Variants in DCP2 observed in about 807,000 individuals in gnomAD.
The protein encoded by DCP2 is m7GpppN-mRNA hydrolase.
In DCP2, 30 loss-of-function variants were observed where a neutral mutation model predicts 56.1. The ratio of observed to expected loss-of-function variants is 0.53; its 90% confidence interval spans 0.40 to 0.73. DCP2 has a LOEUF of 0.73. DCP2 is among the 30% of genes least tolerant of loss of function. The pLI, the probability that DCP2 is intolerant of heterozygous loss-of-function variation, is 0.00. For missense variants in DCP2, 533 were observed against 502.7 expected, an observed-to-expected ratio of 1.06 and a Z score of -0.58; for synonymous variants, 197 against 163.3, an observed-to-expected ratio of 1.21 and a Z score of -1.57.
At chr5:112,994,044 T>C (rs1404385770) in intron 4 of DCP2, among the ~76,000 whole-genome samples, 1 of 151,776 alleles carries the variant, frequency 6.6e-6, no homozygotes. Context: ...TGATCTCTCC[T>C]CCTCGGCCTC....
At chr5:113,008,113 G>T in intron 9 of DCP2, 71 bp downstream of exon 9, 1 of 1,244,528 alleles carries the variant, frequency 8.0e-7, no homozygotes, top group Non-Finnish European at 1.1e-6. Context: ...CATTGCCAAA[G>T]CACAGGAATG....
In DCP2 at chr5:113,011,978, A is replaced by G. The variant is rs1000462900; in HGVS notation, c.1099+1171A>G. On this transcript the variant is annotated intron_variant, in intron 10 of 10. Transcript: ENST00000389063. Reference sequence around the variant, plus strand: ...GAAGGGTCTATTATTTCTCCTCATTAGAGTTAGTATAGAAAAGTTATGGGG... The same window carrying G: ...GAAGGGTCTATTATTTCTCCTCATTGGAGTTAGTATAGAAAAGTTATGGGG... 3.9e-5 allele frequency among the ~76,000 whole-genome samples: 6 copies of G among 152,200 alleles called. No individual in the cohort carries two copies. The East Asian group carries it at 7.7e-4, about 19-fold the overall frequency.
intron 2 of DCP2, among the ~76,000 whole-genome samples, chr5:112,990,994 C>G (rs1748561429): frequency 6.6e-6 from 1 of 151,986 alleles, no homozygotes; most frequent in Non-Finnish European, 1.5e-5. Flanking sequence ...TTTCTCTGCT[C>G]TCTGTTATGA....
chr5:112,995,337 A>G (rs1748798875), intron 4 of DCP2, among the ~76,000 whole-genome samples: 1 of 152,218 alleles, frequency 6.6e-6, no homozygotes, highest in Non-Finnish European at 1.5e-5. Flanking sequence ...GACCAATTGT[A>G]AAAGTCCTCC....
intron 1 of DCP2, among the ~76,000 whole-genome samples, chr5:112,979,680 C>G (rs532809035): frequency 6.6e-6 from 1 of 152,132 alleles, no homozygotes; most frequent in Non-Finnish European, 1.5e-5. Flanking sequence ...CAAAATGTGA[C>G]TTTGTAACCT....
rs756825022 is a variant in DCP2 at position 113,021,487 on chromosome 5, T to G, written c.*8003T>G. Reference sequence around the variant, plus strand: ...TAAGTTTGTTGCTTTAAAGCAAGATTATAGTGTAGGGCTTGAGATGTGAAT... The same window carrying G: ...TAAGTTTGTTGCTTTAAAGCAAGATGATAGTGTAGGGCTTGAGATGTGAAT... On this transcript the variant is annotated 3_prime_UTR_variant, in exon 11 of 11. Coordinates refer to ENST00000389063, the MANE Select transcript of DCP2 (RefSeq NM_152624.6). Among the ~76,000 whole-genome samples, 1 of 151,980 alleles carries G rather than the reference T, an allele frequency of 6.6e-6. No homozygotes were observed. The highest frequency in any genetic ancestry group is 1.5e-5 in the Non-Finnish European group (1 of 68,006).
At chr5:112,997,111 C>G (rs1485035167) in intron 4 of DCP2, among the ~76,000 whole-genome samples, 2 of 152,194 alleles carry the variant, frequency 1.3e-5, no homozygotes, top group African/African-American at 4.8e-5. Context: ...AGCTCTTTTT[C>G]TCCACATATC....
At chr5:112,981,492 G>A (rs879944006) in intron 1 of DCP2, among the ~76,000 whole-genome samples, 1 of 151,836 alleles carries the variant, frequency 6.6e-6, no homozygotes, top group Non-Finnish European at 1.5e-5. Context: ...GTAAATCTAC[G>A]TCTGTTATAT....
chr5:112,994,397 TC>T (rs907809225), intron 4 of DCP2, among the ~76,000 whole-genome samples: 7 of 151,800 alleles, frequency 4.6e-5, no homozygotes, highest in African/African-American at 1.7e-4. Flanking sequence ...GTCTTGAACT[TC>T]TAGGCTTAAG....
At position 113,021,644 on chromosome 5, in the gene DCP2, T is replaced by C. The variant is rs985316347; in HGVS notation, c.*8160T>C. On this transcript the variant is annotated 3_prime_UTR_variant, in exon 11 of 11. Coordinates refer to ENST00000389063, the MANE Select transcript of DCP2 (RefSeq NM_152624.6). ...TCCATTAGAGACCTCAGCTATATGA[T>C]AGTAACTTTTATTTTAAATTCTCAA... 1.3e-5 allele frequency among the ~76,000 whole-genome samples: 2 copies of C among 151,870 alleles called. No homozygotes were observed. The highest frequency in any genetic ancestry group is 4.9e-5 in the African/African-American group (2 of 41,140).
chr5:113,001,781 G>C (rs1293774417), intron 7 of DCP2, 107 bp downstream of exon 7: 2 of 1,013,554 alleles, frequency 2.0e-6, no homozygotes, highest in Non-Finnish European at 3.0e-6. Flanking sequence ...TCTTTTTATA[G>C]ATACTCTTTG....
rs1750009399 is a variant in DCP2, at chr5:113,019,174, C to T, written c.*5690C>T. On this transcript the variant is annotated 3_prime_UTR_variant, in exon 11 of 11. Transcript: ENST00000389063. ...CATTTTGAGCACAAGTCTGCATTGT[C>T]ATTTTTTAAGAGATTGGCAGGCATA... 6.6e-6 allele frequency: 1 copy of T among 152,136 alleles called. No individual in the cohort carries two copies. The highest frequency in any genetic ancestry group is 1.5e-5 in the Non-Finnish European group (1 of 68,014). 9.4% of individuals were successfully genotyped at this position (152,136 alleles called of 1,614,324 possible). A position where few individuals can be genotyped will look rare whatever the true frequency, so the allele number is the denominator to read the frequency against.
At chr5:112,986,027 C>T (rs758297513) in intron 2 of DCP2, 41 bp downstream of exon 2, 2 of 1,476,396 alleles carry the variant, frequency 1.4e-6, no homozygotes, top group South Asian at 1.5e-5. Flanking sequence ...TTCTTGTTAG[C>T]AATATATTTT....
intron 9 of DCP2, among the ~76,000 whole-genome samples, chr5:113,008,510 G>C (rs1749542995): frequency 6.6e-6 from 1 of 152,090 alleles, no homozygotes; most frequent in South Asian, 2.1e-4. Context: ...TGTTTAGTCA[G>C]TCCTCCAAAA....
chr5:113,009,375 C>T (rs930434698), intron 9 of DCP2, among the ~76,000 whole-genome samples: 2 of 152,098 alleles, frequency 1.3e-5, no homozygotes, highest in Non-Finnish European at 2.9e-5. Flanking sequence ...ATAAAAGGGA[C>T]TGATAAACAT....
At chr5:112,990,281 C>G (rs568458944) in intron 2 of DCP2, among the ~76,000 whole-genome samples, 2 of 152,216 alleles carry the variant, frequency 1.3e-5, no homozygotes, top group African/African-American at 4.8e-5. Flanking sequence ...AGCTATGTAT[C>G]CTTGGGTAAA....
Position 113,020,192 on chromosome 5 carries a change from T to C in DCP2, c.*6708T>C, listed in dbSNP as rs1484293786. Reference sequence around the variant, plus strand: ...TGAGGAAATGTTTCACTAAATATATTATGGTCAATGAAAAAACCAGACTTT... The same window carrying C: ...TGAGGAAATGTTTCACTAAATATATCATGGTCAATGAAAAAACCAGACTTT... On this transcript the variant is annotated 3_prime_UTR_variant, in exon 11 of 11. Transcript: ENST00000389063. The C allele has an allele frequency of 6.6e-6, 1 of 152,224 alleles. No homozygotes were observed. Among genetic ancestry groups the C allele is most frequent in the Non-Finnish European group, 1.5e-5 (1 of 68,032 alleles). The allele number at this position is 152,224 out of a possible 1,614,324, so 9.4% of individuals were successfully genotyped here. A position where few individuals can be genotyped will look rare whatever the true frequency, so the allele number is the denominator to read the frequency against.
chr5:113,001,339 T>C lies in DCP2; in HGVS notation c.586-18T>C. 1 of 1,600,324 alleles carries C rather than the reference T, an allele frequency of 6.2e-7. No individual in the cohort carries two copies. The highest frequency in any genetic ancestry group is 8.5e-7 in the Non-Finnish European group (1 of 1,174,686). ...TGATAAAAATTAACTAAATGAATTATTTTCTTCTGTGTTTCAGAACATTGA... is the reference window on the plus strand; with the variant it reads ...TGATAAAAATTAACTAAATGAATTACTTTCTTCTGTGTTTCAGAACATTGA... On this transcript the variant is annotated intron_variant, in intron 5 of 10. Transcript: ENST00000389063.
At chr5:113,008,316 AATT>A (rs1554101550) in intron 9 of DCP2, 2 of 264,816 alleles carry the variant, frequency 7.6e-6, no homozygotes, top group East Asian at 6.7e-5. Context: ...TCTCTAGAGC[AATT>A]ATTTGGCTAT....
Sources: gnomAD v4.1 joint callset for allele counts (sites outside exome capture counted in the v4.1 genomes callset) on GRCh38, gnomAD v4.1.1 for gene constraint, MANE v1.5 for transcripts, NCBI Gene and HGNC (gene_info 2026-07-23, HGNC 2026-07-21) for gene names.